The following HS6ST3 variants were observed in gnomAD, a reference collection of about 807,000 sequenced individuals.
HS6ST3 encodes the protein heparan-sulfate 6-O-sulfotransferase 3.
In HS6ST3, 12 loss-of-function variants were observed where a neutral mutation model predicts 36.7. That is an observed-to-expected ratio of 0.33 (90% CI 0.21 to 0.53). The LOEUF (loss-of-function observed/expected upper bound fraction) is 0.53. Ranked by LOEUF, HS6ST3 falls within the 20% of genes least tolerant of loss-of-function variation. The pLI is 0.95. For missense variants in HS6ST3, 584 were observed against 640.9 expected (o/e 0.91, Z 0.96); for synonymous variants, 240 against 257.5 (o/e 0.93, Z 0.65).
intron 1 of HS6ST3, among the ~76,000 whole-genome samples, chr13:96,216,561 A>G (rs1244713532): frequency 6.6e-6 from 1 of 152,222 alleles, no homozygotes; most frequent in Non-Finnish European, 1.5e-5. Context: ...CCATGACTCA[A>G]CAACTGGATT....
chr13:96,293,268 A>G (rs966282269), intron 1 of HS6ST3, among the ~76,000 whole-genome samples: 3 of 152,092 alleles, frequency 2.0e-5, no homozygotes, highest in Non-Finnish European at 4.4e-5. Flanking sequence ...TTGCTCCGAT[A>G]CCTTGAGTTT....
chr13:96,167,654 T>TA (rs1173598254), intron 1 of HS6ST3, among the ~76,000 whole-genome samples: 3 of 152,234 alleles, frequency 2.0e-5, no homozygotes, highest in African/African-American at 7.2e-5. Context: ...AGACAATCTT[T>TA]ACTATGTCCT....
At chr13:96,722,988 C>CGAGT (rs1875888870) in intron 1 of HS6ST3, among the ~76,000 whole-genome samples, 1 of 143,568 alleles carries the variant, frequency 7.0e-6, no homozygotes, top group Non-Finnish European at 1.5e-5. Flanking sequence ...AAAAAATATA[C>CGAGT]GTGTGTGTGT....
At chr13:96,586,642 T>C (rs1176356808) in intron 1 of HS6ST3, among the ~76,000 whole-genome samples, 1 of 152,184 alleles carries the variant, frequency 6.6e-6, no homozygotes, top group African/African-American at 2.4e-5. Flanking sequence ...CTTTGCCCAT[T>C]TTTTAAGCAG....
intron 1 of HS6ST3, among the ~76,000 whole-genome samples, chr13:96,276,843 A>G (rs1235836264): frequency 6.6e-6 from 1 of 152,152 alleles, no homozygotes; most frequent in East Asian, 1.9e-4. Flanking sequence ...AAGGCTCAGG[A>G]ACCTGCATTT....
chr13:96,310,079 A>G (rs536919220), intron 1 of HS6ST3, among the ~76,000 whole-genome samples: 116 of 152,288 alleles, frequency 7.6e-4, no homozygotes, highest in African/African-American at 2.5e-3. Flanking sequence ...TCTTTTGGCT[A>G]TTACAATCTG....
intron 1 of HS6ST3, among the ~76,000 whole-genome samples, chr13:96,538,986 A>G (rs1204417296): frequency 6.6e-6 from 1 of 152,142 alleles, no homozygotes; most frequent in Non-Finnish European, 1.5e-5. Flanking sequence ...CGTGATCTCA[A>G]CATTTTTCTT....
intron 1 of HS6ST3, among the ~76,000 whole-genome samples, chr13:96,285,775 G>T (rs914955249): frequency 6.6e-5 from 10 of 152,142 alleles, no homozygotes; most frequent in African/African-American, 2.2e-4. Context: ...TAACTGGCAA[G>T]TCTTATGGTT....
At chr13:96,797,980 A>G (rs1877954869) in intron 1 of HS6ST3, among the ~76,000 whole-genome samples, 1 of 152,040 alleles carries the variant, frequency 6.6e-6, no homozygotes, top group South Asian at 2.1e-4. Flanking sequence ...CACACTTCTG[A>G]TGCAATTCAC....
intron 1 of HS6ST3, among the ~76,000 whole-genome samples, chr13:96,274,453 G>C (rs915924372): frequency 6.6e-6 from 1 of 152,130 alleles, no homozygotes; most frequent in East Asian, 1.9e-4. Context: ...AGGAAGACAA[G>C]AACCATAGGT....
At chr13:96,702,936 A>C (rs1415087435) in intron 1 of HS6ST3, among the ~76,000 whole-genome samples, 1 of 152,260 alleles carries the variant, frequency 6.6e-6, no homozygotes, top group Non-Finnish European at 1.5e-5. Flanking sequence ...GTTACACAGC[A>C]TACAGTGTTG....
chr13:96,238,551 A>G (rs1251980768), intron 1 of HS6ST3, among the ~76,000 whole-genome samples: 1 of 152,222 alleles, frequency 6.6e-6, no homozygotes, highest in Non-Finnish European at 1.5e-5. Flanking sequence ...TCAGAGAGGC[A>G]TTCCTCAAGC....
At chr13:96,318,870 A>G (rs2054990059) in intron 1 of HS6ST3, among the ~76,000 whole-genome samples, 1 of 152,210 alleles carries the variant, frequency 6.6e-6, no homozygotes. Context: ...TCTAACAATG[A>G]CATTGAAAGA....
chr13:96,374,160 T>G (rs950983775), intron 1 of HS6ST3, among the ~76,000 whole-genome samples: 1 of 152,192 alleles, frequency 6.6e-6, no homozygotes, highest in African/African-American at 2.4e-5. Context: ...GTCCTTATAT[T>G]ATTATATTAT....
chr13:96,420,383 C>T (rs1005624362), intron 1 of HS6ST3, among the ~76,000 whole-genome samples: 2 of 152,204 alleles, frequency 1.3e-5, no homozygotes, highest in Non-Finnish European at 2.9e-5. Context: ...ACTCTCCCCA[C>T]ATCCTTTATG....
chr13:96,266,470 G>C (rs1334811357), intron 1 of HS6ST3, among the ~76,000 whole-genome samples: 1 of 152,174 alleles, frequency 6.6e-6, no homozygotes, highest in Non-Finnish European at 1.5e-5. Context: ...ACTTTACACA[G>C]TAGATATGTG....
intron 1 of HS6ST3, among the ~76,000 whole-genome samples, chr13:96,695,518 G>A (rs1296693990): frequency 6.6e-6 from 1 of 151,886 alleles, no homozygotes; most frequent in Admixed American, 6.6e-5. Context: ...ACTGCAGCTC[G>A]AATTCCTGGG....
intron 1 of HS6ST3, among the ~76,000 whole-genome samples, chr13:96,332,777 T>C (rs764144266): frequency 6.6e-6 from 1 of 152,248 alleles, no homozygotes; most frequent in Non-Finnish European, 1.5e-5. Flanking sequence ...GTAGTGTCTA[T>C]TTATATGTTC....
intron 1 of HS6ST3, among the ~76,000 whole-genome samples, chr13:96,112,074 A>G (rs1463244472): frequency 2.6e-5 from 4 of 152,184 alleles, no homozygotes; most frequent in East Asian, 3.9e-4. Context: ...TTAAAACTAC[A>G]TCTCTGGATG....
Sources: gnomAD v4.1 joint callset for allele counts (sites outside exome capture counted in the v4.1 genomes callset) on GRCh38, gnomAD v4.1.1 for gene constraint, MANE v1.5 for transcripts, NCBI Gene and HGNC (gene_info 2026-07-23, HGNC 2026-07-21) for gene names.